CAB39: variants seen among roughly 807,000 people sequenced by gnomAD.
CAB39 encodes calcium-binding protein 39.
Under a neutral mutation model 40.0 loss-of-function variants are expected in CAB39, and 8 were observed. That is an observed-to-expected ratio of 0.20 (90% CI 0.12 to 0.36). The LOEUF is 0.36. Among genes scored for constraint, CAB39 ranks in the 10% least tolerant of loss-of-function variants. The pLI, the probability that CAB39 is intolerant of heterozygous loss-of-function variation, is 1.00. For synonymous variants in CAB39, 156 were observed against 141.6 expected (o/e 1.10, Z -0.72); for missense variants, 270 against 401.1 (o/e 0.67, Z 2.79).
intron 2 of CAB39, among the ~76,000 whole-genome samples, chr2:230,766,742 T>G (rs1349771391): frequency 6.6e-6 from 1 of 152,232 alleles, no homozygotes; most frequent in Non-Finnish European, 1.5e-5. Flanking sequence ...TTGCCCAGGC[T>G]GGCCTTGAAC....
intron 2 of CAB39, among the ~76,000 whole-genome samples, chr2:230,767,573 A>G (rs1370819683): frequency 1.3e-5 from 2 of 152,226 alleles, no homozygotes; most frequent in Non-Finnish European, 2.9e-5. Context: ...GCCTATTTTT[A>G]TCAATCTCGT....
intron 2 of CAB39, among the ~76,000 whole-genome samples, chr2:230,776,617 T>C (rs1025734517): frequency 6.6e-6 from 1 of 152,202 alleles, no homozygotes; most frequent in Non-Finnish European, 1.5e-5. Flanking sequence ...CAAGTGGTTG[T>C]GAGTGTCACT....
chr2:230,748,918 A>G (rs1379102015), intron 1 of CAB39, among the ~76,000 whole-genome samples: 2 of 136,688 alleles, frequency 1.5e-5, no homozygotes, highest in South Asian at 2.4e-4. Flanking sequence ...TGAATCTCCT[A>G]TAAAGAACTT....
chr2:230,772,548 A>C (rs1018633663), intron 2 of CAB39, among the ~76,000 whole-genome samples: 2 of 150,730 alleles, frequency 1.3e-5, no homozygotes, highest in Non-Finnish European at 2.9e-5. Flanking sequence ...GCAGTGGCAC[A>C]GTCTCGGCTC....
intron 1 of CAB39, among the ~76,000 whole-genome samples, chr2:230,721,347 C>T (rs904137207): frequency 6.6e-6 from 1 of 152,204 alleles, no homozygotes; most frequent in Non-Finnish European, 1.5e-5. Flanking sequence ...AGGAGAATCG[C>T]TTGAGCCCTG....
intron 2 of CAB39, among the ~76,000 whole-genome samples, chr2:230,781,991 A>G (rs1461125774): frequency 6.6e-6 from 1 of 152,172 alleles, no homozygotes; most frequent in African/African-American, 2.4e-5. Flanking sequence ...CAGCCTCCCA[A>G]GTAGCCAGGG....
chr2:230,748,831 A>AAAT (rs1386799920), intron 1 of CAB39, among the ~76,000 whole-genome samples: 46 of 28,494 alleles, frequency 1.6e-3, no homozygotes, highest in South Asian at 4.7e-3. Flanking sequence ...AAAAAAAAAA[A>AAAT]ATATATATAT....
intron 3 of CAB39, among the ~76,000 whole-genome samples, chr2:230,791,988 T>G (rs2124958371): frequency 6.6e-6 from 1 of 152,308 alleles, no homozygotes; most frequent in South Asian, 2.1e-4. Flanking sequence ...GTACAGGTGC[T>G]TGAAAGACAG....
In CAB39 at chr2:230,820,321, GCA is replaced by G. The variant is rs1559622536; in HGVS notation, c.*1618_*1619del. On this transcript the variant is annotated 3_prime_UTR_variant, in exon 9 of 9. Transcript: ENST00000258418. ...AATGGGCCTCCCAATTGCTGTTTCA[GCA>G]GGTTTTAAACCTTCAGGAACACCAG... The G allele has an allele frequency of 6.6e-6, 1 of 152,182 alleles. No individual in the cohort carries two copies. Among genetic ancestry groups the G allele is most frequent in the Non-Finnish European group, 1.5e-5 (1 of 68,032 alleles). The allele number at this position is 152,182 out of a possible 1,614,324, so 9.4% of individuals were successfully genotyped here. A position where few individuals can be genotyped will look rare whatever the true frequency, so the allele number is the denominator to read the frequency against.
At chr2:230,760,222 A>G in intron 2 of CAB39, 107 bp downstream of exon 2, 2 of 614,560 alleles carry the variant, frequency 3.3e-6, no homozygotes, top group South Asian at 2.3e-5. Context: ...TGGATTTTAA[A>G]AATAACATCC....
At chr2:230,718,176 G>A (rs1422893317) in intron 1 of CAB39, among the ~76,000 whole-genome samples, 1 of 152,200 alleles carries the variant, frequency 6.6e-6, no homozygotes, top group African/African-American at 2.4e-5. Context: ...GAGGACCACG[G>A]AAGTATGATA....
intron 1 of CAB39, among the ~76,000 whole-genome samples, chr2:230,724,633 A>ATC (rs1694522362): frequency 6.7e-6 from 1 of 148,428 alleles, no homozygotes; most frequent in Non-Finnish European, 1.5e-5. Context: ...GTGAGCCAAG[A>ATC]TCGCGCCATT....
At position 230,748,827 on chromosome 2, in the gene CAB39, AAAAAATATATAT is replaced by A. The variant is rs1218056771; in HGVS notation, c.-43-11130_-43-11119del. 3.6e-3 allele frequency among the ~76,000 whole-genome samples: 204 copies of A among 56,476 alleles called. 5 individuals carry two copies. Among genetic ancestry groups the A allele is most frequent in the African/African-American group, 0.01 (176 of 17,136 alleles). The allele number at this position is 56,476 out of a possible 152,430, so 37.1% of individuals were successfully genotyped here. A position where few individuals can be genotyped will look rare whatever the true frequency, so the allele number is the denominator to read the frequency against. ...ATTTCCAAAAAGAAAAAAAAAAAAA[AAAAAATATATAT>A]ATATATATATATATATATATATATA... On this transcript the variant is annotated intron_variant, in intron 1 of 8. Transcript: ENST00000258418.
chr2:230,764,044 C>T (rs141535694), intron 2 of CAB39, among the ~76,000 whole-genome samples: 9 of 152,022 alleles, frequency 5.9e-5, no homozygotes, highest in African/African-American at 1.7e-4. Context: ...ATTGCTTGAA[C>T]GGAGGAGGCA....
At chr2:230,790,844 T>C in intron 2 of CAB39, 28 bp from the exon 3 acceptor site, 2 of 1,573,708 alleles carry the variant, frequency 1.3e-6, no homozygotes, top group Non-Finnish European at 1.7e-6. Context: ...TTTTTTCTCC[T>C]CTTCCCAACT....
In CAB39 at chr2:230,762,361, A is replaced by G. The variant is rs538870347; in HGVS notation, c.114+2246A>G. On this transcript the variant is annotated intron_variant, in intron 2 of 8. Transcript: ENST00000258418. Reference sequence around the variant, plus strand: ...TTTTGACTGAACCACATTAACATCTACTAACTCAGAGGGTAATAGCACATA... The same window carrying G: ...TTTTGACTGAACCACATTAACATCTGCTAACTCAGAGGGTAATAGCACATA... Among the ~76,000 whole-genome samples, 11 of 152,334 alleles carry G rather than the reference A, an allele frequency of 7.2e-5. No homozygotes were observed. The South Asian group carries it at 2.3e-3, about 32-fold the overall frequency.
At chr2:230,805,413 CA>C (rs946903245) in intron 5 of CAB39, among the ~76,000 whole-genome samples, 5 of 149,516 alleles carry the variant, frequency 3.3e-5, no homozygotes, top group African/African-American at 7.4e-5. Flanking sequence ...AAAAAAAATA[CA>C]AAAAAAAATG....
At chr2:230,813,548 T>C in intron 6 of CAB39, among the ~76,000 whole-genome samples, 1 of 152,198 alleles carries the variant, frequency 6.6e-6, no homozygotes, top group East Asian at 1.9e-4. Flanking sequence ...TAATTTCTAT[T>C]CCGAATTACT....
At chr2:230,754,136 A>AATTTGG (rs1312741290) in intron 1 of CAB39, among the ~76,000 whole-genome samples, 19 of 152,064 alleles carry the variant, frequency 1.2e-4, no homozygotes, top group African/African-American at 4.1e-4. Flanking sequence ...CATGGTAAGG[A>AATTTGG]ATTTGGATTT....
Sources: allele counts gnomAD v4.1 joint callset (sites outside exome capture counted in the v4.1 genomes callset), GRCh38; gene constraint gnomAD v4.1.1; transcripts MANE v1.5; gene names NCBI Gene and HGNC (gene_info 2026-07-23, HGNC 2026-07-21).